Variants in ACOT7 observed in about 807,000 individuals in gnomAD.
The protein encoded by ACOT7 is cytosolic acyl coenzyme A thioester hydrolase.
In ACOT7, 12 loss-of-function variants were observed where a neutral mutation model predicts 40.2. The ratio of observed to expected loss-of-function variants is 0.30; its 90% confidence interval spans 0.19 to 0.48. ACOT7 has a LOEUF of 0.48. ACOT7 is among the 20% of genes least tolerant of loss of function. The pLI is 0.99. For missense variants in ACOT7, 395 were observed against 530.8 expected, an observed-to-expected ratio of 0.74 and a Z score of 2.51; for synonymous variants, 228 against 219.5, an observed-to-expected ratio of 1.04 and a Z score of -0.34.
At chr1:6,276,459 C>T (rs936484860) in intron 8 of ACOT7, among the ~76,000 whole-genome samples, 5 of 151,944 alleles carry the variant, frequency 3.3e-5, no homozygotes, top group African/African-American at 4.8e-5. Context: ...CTGCCCGGAG[C>T]GGGTGCGGCA....
chr1:6,368,092 C>A (rs1642054649), intron 1 of ACOT7, among the ~76,000 whole-genome samples: 1 of 152,034 alleles, frequency 6.6e-6, no homozygotes, highest in Non-Finnish European at 1.5e-5. Context: ...CATGGGTGGG[C>A]CAGCAAAAAG....
rs766118739 is a variant in ACOT7, at chr1:6,289,469, G to A, written c.829+5395C>T. On this transcript the variant is annotated intron_variant, in intron 7 of 8. Coordinates refer to ENST00000361521, the MANE Select transcript of ACOT7 (RefSeq NM_007274.4). This position sits in a 1 kb window ranked among gnomAD's most constrained non-coding sequence, Gnocchi z 4.6. ...AGGCTGAGTGCGGCGGCACAATCAC[G>A]GCTCACACTGCAGCCTCTGCCTCCT... Among the ~76,000 whole-genome samples the A allele has an allele frequency of 3.9e-5, 6 of 152,014 alleles. No individual in the cohort carries two copies. The highest frequency in any genetic ancestry group is 1.9e-4 in the East Asian group (1 of 5,190).
At chr1:6,329,661 A>C (rs1439366179) in intron 4 of ACOT7, among the ~76,000 whole-genome samples, 1 of 151,786 alleles carries the variant, frequency 6.6e-6, no homozygotes, top group South Asian at 2.1e-4. Context: ...TGGGAACAAA[A>C]CCGCTGGAAC....
At chr1:6,370,222 T>G (rs997148214) in intron 1 of ACOT7, among the ~76,000 whole-genome samples, 1 of 152,096 alleles carries the variant, frequency 6.6e-6, no homozygotes, top group Non-Finnish European at 1.5e-5. Context: ...CTGCTGTAAG[T>G]AGAAGTGGCC....
rs1571337538 is a variant in ACOT7 at position 6,355,222 on chromosome 1, A to T, written c.144-5356T>A. 6.6e-6 allele frequency among the ~76,000 whole-genome samples: 1 copy of T among 152,244 alleles called. No homozygotes were observed. Among genetic ancestry groups the T allele is most frequent in the Non-Finnish European group, 1.5e-5 (1 of 68,014 alleles). On this transcript the variant is annotated intron_variant, in intron 1 of 8. Coordinates refer to ENST00000361521, the MANE Select transcript of ACOT7 (RefSeq NM_007274.4). This position sits in a 1 kb window ranked among gnomAD's most constrained non-coding sequence, Gnocchi z 5.0. ...AGTGTAAGCGAATACCCACTCACAG[A>T]GGGCACCCGGCACCACCCACCCAAA...
intron 1 of ACOT7, among the ~76,000 whole-genome samples, chr1:6,374,705 A>T (rs1642193464): frequency 6.6e-6 from 1 of 152,158 alleles, no homozygotes; most frequent in Admixed American, 6.5e-5. Flanking sequence ...CTTCACCTGT[A>T]AATGGAGGGT....
intron 1 of ACOT7, among the ~76,000 whole-genome samples, chr1:6,384,027 T>TA (rs1222742306): frequency 6.6e-6 from 1 of 151,906 alleles, no homozygotes; most frequent in Admixed American, 6.5e-5. Context: ...TTTTTTAATC[T>TA]TTAATAGAGA....
intron 8 of ACOT7, among the ~76,000 whole-genome samples, chr1:6,273,196 T>C (rs1639085802): frequency 6.6e-6 from 1 of 152,190 alleles, no homozygotes; most frequent in African/African-American, 2.4e-5. Flanking sequence ...CTTTCAGAGA[T>C]ATATGCAGAG....
intron 8 of ACOT7, among the ~76,000 whole-genome samples, chr1:6,276,523 C>G (rs1639194923): frequency 6.6e-6 from 1 of 152,034 alleles, no homozygotes; most frequent in Non-Finnish European, 1.5e-5. Context: ...GAGGCTGCAT[C>G]CGTGTCAGCC....
At position 6,306,558 on chromosome 1, in the gene ACOT7, C is replaced by A. The variant is rs865777692; in HGVS notation, c.713-11578G>T. On this transcript the variant is annotated intron_variant, in intron 6 of 8. Coordinates refer to ENST00000361521, the MANE Select transcript of ACOT7 (RefSeq NM_007274.4). This position sits in a 1 kb window ranked among gnomAD's most constrained non-coding sequence, Gnocchi z 4.3. ...GAAGCTGTTCTTCAGAACAGAAGAA[C>A]CTGGAGAACGATGTTTTCAAACACC... The A allele has an allele frequency of 2.0e-6, 2 of 985,240 alleles. No homozygotes were observed. The highest frequency in any genetic ancestry group is 2.4e-6 in the Non-Finnish European group (2 of 829,924). The allele number at this position is 985,240 out of a possible 1,614,324, so 61.0% of individuals were successfully genotyped here.
intron 6 of ACOT7, among the ~76,000 whole-genome samples, chr1:6,312,218 G>C (rs2148415068): frequency 6.6e-6 from 1 of 152,294 alleles, no homozygotes; most frequent in South Asian, 2.1e-4. Flanking sequence ...CAGGGGCCAG[G>C]GGAGATGGTT....
rs572639592 is a variant in ACOT7, at chr1:6,352,946, T to G, written c.144-3080A>C. 2.2e-4 allele frequency among the ~76,000 whole-genome samples: 33 copies of G among 152,234 alleles called. 2 individuals carry two copies. The South Asian group carries it at 6.2e-3, about 29-fold the overall frequency. On this transcript the variant is annotated intron_variant, in intron 1 of 8. Transcript: ENST00000361521. This position sits in a 1 kb window ranked among gnomAD's most constrained non-coding sequence, Gnocchi z 4.5. Reference sequence around the variant, plus strand: ...CAGGCTGGAGTACAGTGGCATGATCTTGGCTCACTGCAAACTCCGTCTCCT... The same window carrying G: ...CAGGCTGGAGTACAGTGGCATGATCGTGGCTCACTGCAAACTCCGTCTCCT...
intron 2 of ACOT7, among the ~76,000 whole-genome samples, chr1:6,340,091 G>C (rs554316922): frequency 4.6e-5 from 7 of 151,664 alleles, no homozygotes; most frequent in African/African-American, 1.7e-4. Flanking sequence ...TCAGCCTCCC[G>C]AGTAGCTGGG....
chr1:6,352,588 CCATTT>C lies in ACOT7; in HGVS notation c.144-2727_144-2723del, dbSNP rs1452627289. 1.3e-5 allele frequency among the ~76,000 whole-genome samples: 2 copies of C among 151,652 alleles called. No individual in the cohort carries two copies. The highest frequency in any genetic ancestry group is 2.9e-5 in the Non-Finnish European group (2 of 68,014). ...GCGTCTCACTGGAGACTTCGTTTTC[CCATTT>C]CTTTTTTTTTTTTTTTGAGACGGCG... On this transcript the variant is annotated intron_variant, in intron 1 of 8. Coordinates refer to ENST00000361521, the MANE Select transcript of ACOT7 (RefSeq NM_007274.4). The surrounding 1 kb of genome is among the most constrained non-coding windows in gnomAD (Gnocchi z 4.5).
intron 6 of ACOT7, among the ~76,000 whole-genome samples, chr1:6,305,907 C>T (rs1191956972): frequency 6.6e-6 from 1 of 152,214 alleles, no homozygotes; most frequent in Non-Finnish European, 1.5e-5. Context: ...CCATTGAGCA[C>T]TGAGTGAACG....
intron 6 of ACOT7, among the ~76,000 whole-genome samples, chr1:6,305,119 G>A (rs915611144): frequency 6.8e-6 from 1 of 147,170 alleles, no homozygotes; most frequent in African/African-American, 2.5e-5. Flanking sequence ...GCCGGGCAGA[G>A]GGGCTCCTCT....
rs1288563750 is a variant in ACOT7 at position 6,306,034 on chromosome 1, C to A, written c.713-11054G>T. Among the ~76,000 whole-genome samples the A allele has an allele frequency of 9.2e-5, 14 of 151,952 alleles. No homozygotes were observed. The highest frequency in any genetic ancestry group is 3.4e-4 in the African/African-American group (14 of 41,348). On this transcript the variant is annotated intron_variant, in intron 6 of 8. Transcript: ENST00000361521. This position sits in a 1 kb window ranked among gnomAD's most constrained non-coding sequence, Gnocchi z 4.3. ...AAACCCCGTCTCCACCAAAAAAATA[C>A]GAAAACCAGTCAGGCGTGGCGGCGC...
intron 2 of ACOT7, among the ~76,000 whole-genome samples, chr1:6,347,629 T>C (rs1641467281): frequency 1.3e-5 from 2 of 151,962 alleles, no homozygotes; most frequent in South Asian, 2.1e-4. Context: ...TAGCCAGGTG[T>C]GGTTGTACAC....
intron 2 of ACOT7, among the ~76,000 whole-genome samples, chr1:6,349,435 G>A (rs151043271): frequency 3.4e-3 from 518 of 152,336 alleles, no homozygotes; most frequent in African/African-American, 9.0e-3. Context: ...TCCACCCCAC[G>A]GAGGCGGGGC....
Sources: allele counts gnomAD v4.1 joint callset (sites outside exome capture counted in the v4.1 genomes callset), GRCh38; gene constraint gnomAD v4.1.1; non-coding constraint Gnocchi (gnomAD v3.1); transcripts MANE v1.5; gene names NCBI Gene and HGNC (gene_info 2026-07-23, HGNC 2026-07-21).